Variants in ADGRL3 observed in about 807,000 individuals in gnomAD.
ADGRL3 encodes the protein adhesion G protein-coupled receptor L3.
ADGRL3 carries 62 observed loss-of-function variants against 153.5 expected under a neutral mutation model. That is an observed-to-expected ratio of 0.40 (90% CI 0.33 to 0.50). The LOEUF is 0.50. Among genes scored for constraint, ADGRL3 ranks in the 20% least tolerant of loss-of-function variants. The pLI is 0.47. For synonymous variants in ADGRL3, 710 were observed against 672.5 expected (o/e 1.06, Z -0.86); for missense variants, 1,641 against 1,859.4 (o/e 0.88, Z 2.16).
At chr4:61,269,127 T>C (rs1449537286) in intron 1 of ADGRL3, among the ~76,000 whole-genome samples, 1 of 151,740 alleles carries the variant, frequency 6.6e-6, no homozygotes, top group Non-Finnish European at 1.5e-5. Flanking sequence ...TAAGAGACTC[T>C]GCAGTAAGTC....
chr4:61,979,898 T>A, intron 18 of ADGRL3, 126 bp downstream of exon 18: 2 of 823,392 alleles, frequency 2.4e-6, no homozygotes, highest in Non-Finnish European at 3.8e-6. Flanking sequence ...GATACTAATT[T>A]TCAGGCCTTA....
chr4:61,929,041 A>G (rs895680450), intron 13 of ADGRL3, among the ~76,000 whole-genome samples: 12 of 152,128 alleles, frequency 7.9e-5, no homozygotes, highest in African/African-American at 2.7e-4. Context: ...TTAAAGATAA[A>G]TAAATACTGA....
chr4:61,372,877 C>A (rs1041973877), intron 1 of ADGRL3, among the ~76,000 whole-genome samples: 1 of 152,168 alleles, frequency 6.6e-6, no homozygotes, highest in Non-Finnish European at 1.5e-5. Flanking sequence ...TAGCAATCAG[C>A]GAGACTCCGT....
chr4:61,228,117 T>A (rs1748798697), intron 1 of ADGRL3, among the ~76,000 whole-genome samples: 1 of 152,114 alleles, frequency 6.6e-6, no homozygotes, highest in African/African-American at 2.4e-5. Context: ...TGTAGGAGTT[T>A]TTTAAAATGT....
intron 5 of ADGRL3, among the ~76,000 whole-genome samples, chr4:61,654,134 T>G (rs1561007710): frequency 6.6e-6 from 1 of 152,226 alleles, no homozygotes; most frequent in Non-Finnish European, 1.5e-5. Context: ...GCAATTTTTT[T>G]GCTAAATTTT....
At chr4:61,561,470 A>T (rs1372358539) in intron 4 of ADGRL3, among the ~76,000 whole-genome samples, 2 of 152,176 alleles carry the variant, frequency 1.3e-5, no homozygotes, top group Non-Finnish European at 2.9e-5. Flanking sequence ...GCTTCCAGGA[A>T]GAAAAATAAG....
At chr4:61,660,747 G>A (rs532535932) in intron 5 of ADGRL3, among the ~76,000 whole-genome samples, 13 of 152,190 alleles carry the variant, frequency 8.5e-5, no homozygotes, top group South Asian at 2.1e-4. Context: ...ACAGTGCTAA[G>A]AGGTGTCTTT....
intron 5 of ADGRL3, among the ~76,000 whole-genome samples, chr4:61,640,803 C>T (rs1278736950): frequency 6.6e-6 from 1 of 152,086 alleles, no homozygotes; most frequent in Non-Finnish European, 1.5e-5. Flanking sequence ...CTTGGATGGG[C>T]TCTTTTGTTT....
At chr4:61,271,948 T>C (rs920797264) in intron 1 of ADGRL3, among the ~76,000 whole-genome samples, 1 of 152,096 alleles carries the variant, frequency 6.6e-6, no homozygotes, top group Non-Finnish European at 1.5e-5. Flanking sequence ...AAGGAAAATG[T>C]AGTTCTTTAA....
chr4:61,380,412 T>G (rs562285010), intron 1 of ADGRL3, among the ~76,000 whole-genome samples: 1 of 152,158 alleles, frequency 6.6e-6, no homozygotes, highest in South Asian at 2.1e-4. Context: ...ATTTTAGGAT[T>G]AGAAAATGTA....
chr4:61,909,366 G>A (rs189771353), intron 11 of ADGRL3, among the ~76,000 whole-genome samples, 194 bp from the exon 12 acceptor site: 89 of 152,236 alleles, frequency 5.8e-4, no homozygotes, highest in African/African-American at 1.9e-3. Context: ...GAAGACATGC[G>A]TTTAAAGTCA....
chr4:61,990,952 C>CTGTGTGTGTG (rs34294452), intron 19 of ADGRL3, among the ~76,000 whole-genome samples: 15 of 142,270 alleles, frequency 1.1e-4, no homozygotes, highest in African/African-American at 1.6e-4. Flanking sequence ...ATGTTTGAAA[C>CTGTGTGTGTG]TGTGTGTGTG....
chr4:61,494,603 G>C (rs1342936842), intron 2 of ADGRL3, among the ~76,000 whole-genome samples: 1 of 152,178 alleles, frequency 6.6e-6, no homozygotes, highest in Non-Finnish European at 1.5e-5. Flanking sequence ...TTGTGAGTCA[G>C]AGTTGGGTAA....
intron 2 of ADGRL3, among the ~76,000 whole-genome samples, chr4:61,486,249 A>T (rs1453821943): frequency 1.3e-5 from 2 of 151,936 alleles, no homozygotes; most frequent in African/African-American, 2.4e-5. Context: ...CGGCTATGGA[A>T]TTTTTTTTAA....
At chr4:61,890,383 G>A (rs1475538133) in intron 9 of ADGRL3, among the ~76,000 whole-genome samples, 3 of 152,090 alleles carry the variant, frequency 2.0e-5, no homozygotes, top group Admixed American at 6.6e-5. Flanking sequence ...TACCCAAGAC[G>A]GGGTAATTTA....
rs138865680 is a variant in ADGRL3 at position 61,635,033 on chromosome 4, G to T, written c.474-41793G>T. 3.9e-5 allele frequency among the ~76,000 whole-genome samples: 6 copies of T among 152,240 alleles called. No individual in the cohort carries two copies. The East Asian group carries it at 1.2e-3, about 30-fold the overall frequency. ...GAAAACTGAGAAGCAAATCTTTTAA[G>T]GAGCAGGCGTACTGAGTCTACTGTA... On this transcript the variant is annotated intron_variant, in intron 5 of 26. Transcript: ENST00000683033.
At chr4:61,508,108 TA>T (rs200999401) in intron 3 of ADGRL3, among the ~76,000 whole-genome samples, 4 of 152,036 alleles carry the variant, frequency 2.6e-5, no homozygotes, top group East Asian at 1.9e-4. Context: ...TTGACTGGAA[TA>T]AAAAAAATCC....
intron 1 of ADGRL3, among the ~76,000 whole-genome samples, chr4:61,304,408 T>G (rs1330011495): frequency 6.6e-6 from 1 of 152,192 alleles, no homozygotes; most frequent in Non-Finnish European, 1.5e-5. Context: ...AACCTTTAGG[T>G]TATGCTACTA....
chr4:61,908,837 A>G (rs970289347), intron 11 of ADGRL3, among the ~76,000 whole-genome samples: 3 of 152,118 alleles, frequency 2.0e-5, no homozygotes, highest in African/African-American at 4.8e-5. Flanking sequence ...CAATTAATAT[A>G]TATTCCTAAC....
Sources: allele counts gnomAD v4.1 joint callset (sites outside exome capture counted in the v4.1 genomes callset), GRCh38; gene constraint gnomAD v4.1.1; transcripts MANE v1.5; gene names NCBI Gene and HGNC (gene_info 2026-07-23, HGNC 2026-07-21).